Variants in CD163L1 observed in about 807,000 individuals in gnomAD.
CD163L1 encodes the protein scavenger receptor cysteine-rich type 1 protein M160.
CD163L1 carries 124 observed loss-of-function variants against 165.4 expected under a neutral mutation model. That is an observed-to-expected ratio of 0.75 (90% confidence interval 0.65 to 0.87). CD163L1 has a LOEUF of 0.87. CD163L1 is among the 40% of genes least tolerant of loss of function. The pLI, the probability that CD163L1 is intolerant of heterozygous loss-of-function variation, is 0.00. For missense variants in CD163L1, 1,525 were observed against 1,799.9 expected, an observed-to-expected ratio of 0.85 and a Z score of 2.76; for synonymous variants, 585 against 662.2, an observed-to-expected ratio of 0.88 and a Z score of 1.79.
intron 18 of CD163L1, among the ~76,000 whole-genome samples, chr12:7,366,313 C>A (rs762697300): frequency 5.3e-5 from 8 of 151,844 alleles, no homozygotes; most frequent in African/African-American, 1.4e-4. Flanking sequence ...GAAATAAAAC[C>A]TAGTGTTTGA....
At chr12:7,371,822 T>A (rs927734793) in intron 14 of CD163L1, among the ~76,000 whole-genome samples, 1 of 151,754 alleles carries the variant, frequency 6.6e-6, no homozygotes, top group African/African-American at 2.4e-5. Flanking sequence ...TATTGCTAAA[T>A]CAAAAGAGCA....
intron 8 of CD163L1, 138 bp downstream of exon 8, chr12:7,395,957 T>G: frequency 8.6e-6 from 5 of 584,128 alleles, no homozygotes; most frequent in Non-Finnish European, 1.4e-5. Context: ...TAAAAATGAA[T>G]GAGAATATGA....
At chr12:7,330,330 A>G in the CD163L1 span, among the ~76,000 whole-genome samples, 11 of 152,190 alleles carry the variant, frequency 7.2e-5, no homozygotes, top group South Asian at 4.1e-4. Context: ...TTCAAAACTT[A>G]ATAATAAGTC....
chr12:7,406,732 G>T lies in CD163L1; in HGVS notation c.887C>A (p.Ala296Asp), dbSNP rs1445432208. 1 of 1,613,906 alleles carries T rather than the reference G, an allele frequency of 6.2e-7. No homozygotes were observed. Among genetic ancestry groups the T allele is most frequent in the East Asian group, 2.2e-5 (1 of 44,892 alleles). The stretch of plus-strand genomic sequence containing the variant: ...TCCCAACTGCTTGCATACGACATCA[G>T]CTGCAGCATTGTTCCACTTATGGTG... ...VCHHKWNNAAADVVCKQLGCG... is the reference protein window; with the variant it reads ...VCHHKWNNAADDVVCKQLGCG... Residue 296 changes from alanine (A) to aspartate (D), a missense_variant, in exon 5 of 20, where the codon GCT (alanine) becomes GAT (aspartate). By Grantham distance (126) the Ala-to-Asp change is moderately radical. Transcript: ENST00000313599.
chr12:7,371,722 A>T (rs1947150067), intron 14 of CD163L1, among the ~76,000 whole-genome samples: 1 of 151,976 alleles, frequency 6.6e-6, no homozygotes, highest in Admixed American at 6.6e-5. Context: ...AAATAACTTG[A>T]ATTTTCTAGA....
intron 7 of CD163L1, among the ~76,000 whole-genome samples, chr12:7,397,184 T>C (rs11053657): frequency 0.075 from 11,432 of 152,184 alleles, 447 homozygotes; most frequent in African/African-American, 0.11. Flanking sequence ...TGAGTGAACA[T>C]ATATTTGATA....
downstream of CD163L1, among the ~76,000 whole-genome samples, chr12:7,345,408 T>G (rs972294802): frequency 6.6e-6 from 1 of 152,188 alleles, no homozygotes; most frequent in Admixed American, 6.5e-5. Context: ...AGGCATAATG[T>G]GAGTAACCTT....
chr12:7,363,418 A>AAATAATAAT (rs71450200), intron 18 of CD163L1, among the ~76,000 whole-genome samples: 50 of 151,970 alleles, frequency 3.3e-4, no homozygotes, highest in Middle Eastern at 3.4e-3. Flanking sequence ...AGATAAAAAG[A>AAATAATAAT]AATAATAATA....
intron 14 of CD163L1, among the ~76,000 whole-genome samples, chr12:7,370,087 C>T (rs1390688037): frequency 2.6e-5 from 4 of 152,038 alleles, no homozygotes; most frequent in African/African-American, 9.7e-5. Flanking sequence ...GCTTCTGTGC[C>T]CTCCAATTAT....
intron 4 of CD163L1, among the ~76,000 whole-genome samples, chr12:7,417,472 G>A (rs1243146601): frequency 3.9e-5 from 6 of 152,132 alleles, no homozygotes; most frequent in Non-Finnish European, 8.8e-5. Flanking sequence ...ATGAGACAGG[G>A]CATCCTTGTC....
At chr12:7,418,096 C>T (rs148835863) in intron 4 of CD163L1, among the ~76,000 whole-genome samples, 168 of 152,086 alleles carry the variant, frequency 1.1e-3, no homozygotes, top group African/African-American at 3.7e-3. Context: ...TATTCATCAG[C>T]ACATGGAATA....
In CD163L1 at chr12:7,432,820, C is replaced by A; in HGVS notation, c.446-84G>T. ...ATCAAAAGGATACGTAGAAGACAGCCCTGTTATGAATGAAGTTACCAAAAA... is the reference window on the plus strand; with the variant it reads ...ATCAAAAGGATACGTAGAAGACAGCACTGTTATGAATGAAGTTACCAAAAA... On this transcript the variant is annotated intron_variant, in intron 3 of 19. Coordinates refer to ENST00000313599, the MANE Select transcript of CD163L1 (RefSeq NM_174941.6). The surrounding 1 kb of genome is among the most constrained non-coding windows in gnomAD (Gnocchi z 4.2). The A allele has an allele frequency of 8.5e-7, 1 of 1,179,254 alleles. No homozygotes were observed. Among genetic ancestry groups the A allele is most frequent in the Non-Finnish European group, 1.2e-6 (1 of 847,988 alleles). 73.0% of individuals were successfully genotyped at this position (1,179,254 alleles called of 1,614,324 possible).
chr12:7,408,980 A>G (rs1948081775), intron 4 of CD163L1, among the ~76,000 whole-genome samples: 1 of 152,232 alleles, frequency 6.6e-6, no homozygotes, highest in Non-Finnish European at 1.5e-5. Context: ...GAAGAAATAA[A>G]GAAGAATCAT....
chr12:7,321,631 T>C, the CD163L1 span, among the ~76,000 whole-genome samples: 1 of 152,232 alleles, frequency 6.6e-6, no homozygotes, highest in African/African-American at 2.4e-5. Context: ...TACACATGAT[T>C]TGTATTCTAC....
At chr12:7,443,816 A>G (rs957400717) in intron 1 of CD163L1, among the ~76,000 whole-genome samples, 3 of 152,134 alleles carry the variant, frequency 2.0e-5, no homozygotes, top group East Asian at 1.9e-4. Flanking sequence ...CCTTCTTTCT[A>G]TTTCCACAAC....
At chr12:7,332,803 C>A in the CD163L1 span, among the ~76,000 whole-genome samples, 1 of 152,160 alleles carries the variant, frequency 6.6e-6, no homozygotes, top group Admixed American at 6.5e-5. Context: ...TGGAAAGGAA[C>A]AACCAGTACT....
At chr12:7,340,100 A>G in the CD163L1 span, among the ~76,000 whole-genome samples, 1 of 152,274 alleles carries the variant, frequency 6.6e-6, no homozygotes, top group South Asian at 2.1e-4. Flanking sequence ...AAGATCACAG[A>G]GAGGGAACAC....
At position 7,369,628 on chromosome 12, in the gene CD163L1, A is replaced by G; in HGVS notation, c.3768T>C (p.Ser1256=). 6.2e-7 allele frequency: 1 copy of G among 1,614,152 alleles called. No homozygotes were observed. The highest frequency in any genetic ancestry group is 1.3e-5 in the African/African-American group (1 of 75,040). ...CTGCGTGCCAGATCTCCACTCTCCC[A>G]GAGCACTCGGTGTCTCCTCCACGCA... is the stretch of plus-strand genomic sequence containing the variant. The part of the protein sequence containing the change: ...IRVRGGDTEC[S]GRVEIWHAGS... The change falls in exon 15 of 20, where the codon TCT becomes TCC. Residue 1256 remains serine, a synonymous_variant. Coordinates refer to ENST00000313599, the MANE Select transcript of CD163L1 (RefSeq NM_174941.6). This position sits in a 1 kb window ranked among gnomAD's most constrained non-coding sequence, Gnocchi z 4.9.
At chr12:7,389,978 A>ATATATT (rs1371183758) in intron 8 of CD163L1, among the ~76,000 whole-genome samples, 1 of 147,058 alleles carries the variant, frequency 6.8e-6, no homozygotes, top group African/African-American at 2.5e-5. Context: ...ATATATATAT[A>ATATATT]TATATGCACA....
Sources: allele counts gnomAD v4.1 joint callset (sites outside exome capture counted in the v4.1 genomes callset), GRCh38; gene constraint gnomAD v4.1.1; non-coding constraint Gnocchi (gnomAD v3.1); transcripts MANE v1.5; gene names NCBI Gene and HGNC (gene_info 2026-07-23, HGNC 2026-07-21).